ITGBL1: variants seen among roughly 807,000 people sequenced by gnomAD.
ITGBL1 encodes the protein integrin beta-like protein 1.
In ITGBL1, 51 loss-of-function variants were observed where a neutral mutation model predicts 68.5. The ratio of observed to expected loss-of-function variants is 0.74; its 90% CI spans 0.59 to 0.94. The LOEUF (loss-of-function observed/expected upper bound fraction) is 0.94. ITGBL1 is among the 40% of genes least tolerant of loss of function. ITGBL1 has a pLI of 0.00. For missense variants in ITGBL1, 649 were observed against 647.4 expected, an observed-to-expected ratio of 1.00 and a Z score of -0.03; for synonymous variants, 209 against 227.3, an observed-to-expected ratio of 0.92 and a Z score of 0.72.
At chr13:101,652,887 C>T (rs1316814896) in intron 7 of ITGBL1, among the ~76,000 whole-genome samples, 6 of 151,964 alleles carry the variant, frequency 3.9e-5, no homozygotes, top group Admixed American at 6.6e-5. Flanking sequence ...CACTGGAGGT[C>T]GAGAGTTTGA....
chr13:101,681,888 CAAG>C (rs1391078341), intron 7 of ITGBL1, among the ~76,000 whole-genome samples: 1 of 151,652 alleles, frequency 6.6e-6, no homozygotes, highest in Non-Finnish European at 1.5e-5. Context: ...AGTAGAGGAT[CAAG>C]AAGAGGCAGA....
At chr13:101,557,978 A>G (rs1452581738) in intron 2 of ITGBL1, among the ~76,000 whole-genome samples, 1 of 148,894 alleles carries the variant, frequency 6.7e-6, no homozygotes, top group Non-Finnish European at 1.5e-5. Flanking sequence ...AATCCCAGCT[A>G]CTTGTGAGAC....
intron 7 of ITGBL1, among the ~76,000 whole-genome samples, chr13:101,607,338 T>G (rs1190138212): frequency 6.6e-6 from 1 of 152,074 alleles, no homozygotes; most frequent in African/African-American, 2.4e-5. Context: ...GTTGTTGTTT[T>G]GGATAACTTA....
intron 5 of ITGBL1, 140 bp downstream of exon 5, chr13:101,579,567 C>G: frequency 1.2e-6 from 1 of 853,340 alleles, no homozygotes; most frequent in Non-Finnish European, 1.8e-6. Flanking sequence ...TCAACATTTA[C>G]TATCCCAACA....
chr13:101,707,150 T>C (rs549302113), intron 9 of ITGBL1, among the ~76,000 whole-genome samples: 1 of 152,234 alleles, frequency 6.6e-6, no homozygotes, highest in African/African-American at 2.4e-5. Flanking sequence ...TGAAATAGAA[T>C]TAATACTTTT....
chr13:101,671,595 C>T (rs9518482), intron 7 of ITGBL1, among the ~76,000 whole-genome samples: 28,568 of 149,872 alleles, frequency 0.19, 3,211 homozygotes, highest in Non-Finnish European at 0.26. Flanking sequence ...CCCGCCACCA[C>T]GCCCGGCTAA....
chr13:101,636,462 T>C (rs1203977855), intron 7 of ITGBL1, among the ~76,000 whole-genome samples: 1 of 152,162 alleles, frequency 6.6e-6, no homozygotes, highest in African/African-American at 2.4e-5. Context: ...TGGATCAATA[T>C]AAAATCTCCA....
intron 2 of ITGBL1, among the ~76,000 whole-genome samples, chr13:101,468,647 T>C (rs984406261): frequency 1.3e-5 from 2 of 152,234 alleles, no homozygotes; most frequent in Non-Finnish European, 2.9e-5. Context: ...TTTATTTACA[T>C]TTAAAAATAT....
chr13:101,633,014 C>A (rs1212817965), intron 7 of ITGBL1, among the ~76,000 whole-genome samples: 1 of 152,200 alleles, frequency 6.6e-6, no homozygotes, highest in African/African-American at 2.4e-5. Context: ...TCATTTCTCC[C>A]AAGTTCCCAG....
chr13:101,720,663 T>G (rs2034915168), downstream of ITGBL1: 5 of 152,036 alleles, frequency 3.3e-5, no homozygotes, highest in South Asian at 6.2e-4. Flanking sequence ...CTCATATAGT[T>G]GGCCACATAT....
intron 7 of ITGBL1, among the ~76,000 whole-genome samples, chr13:101,620,596 C>A (rs1016143898): frequency 3.3e-5 from 5 of 152,068 alleles, no homozygotes; most frequent in Non-Finnish European, 7.4e-5. Context: ...TGATGGTACC[C>A]CACTAATAGC....
At chr13:101,622,185 A>T (rs752074902) in intron 7 of ITGBL1, among the ~76,000 whole-genome samples, 6 of 152,182 alleles carry the variant, frequency 3.9e-5, no homozygotes, top group Non-Finnish European at 8.8e-5. Context: ...GATTTAATGA[A>T]TAATAGTAGT....
intron 7 of ITGBL1, among the ~76,000 whole-genome samples, chr13:101,612,364 T>C (rs919233674): frequency 6.6e-6 from 1 of 152,160 alleles, no homozygotes; most frequent in African/African-American, 2.4e-5. Flanking sequence ...GAGCCCTGTA[T>C]TGTATAATAG....
intron 2 of ITGBL1, among the ~76,000 whole-genome samples, chr13:101,480,670 G>C (rs2139037413): frequency 6.6e-6 from 1 of 151,986 alleles, no homozygotes; most frequent in East Asian, 1.9e-4. Flanking sequence ...CCCATAAAAA[G>C]TAAGAATAAA....
rs2033325743 is a variant in ITGBL1, at chr13:101,670,301, G to A, written c.1016-22284G>A. ...GAGAATTCTGGTATCTTTTCATTGG[G>A]TTCAACTTCCAGGTTATTTAAATGG... is the stretch of plus-strand genomic sequence containing the variant. On this transcript the variant is annotated intron_variant, in intron 7 of 10. Coordinates refer to ENST00000376180, the MANE Select transcript of ITGBL1 (RefSeq NM_004791.3). 2.0e-5 allele frequency among the ~76,000 whole-genome samples: 3 copies of A among 152,142 alleles called. No homozygotes were observed. The South Asian group carries it at 6.2e-4, about 32-fold the overall frequency.
chr13:101,710,663 A>G (rs530523385), intron 9 of ITGBL1: 1 of 152,248 alleles, frequency 6.6e-6, no homozygotes, highest in South Asian at 2.1e-4. Context: ...AAGATGTTCA[A>G]GTTCTTTCTT....
chr13:101,558,823 A>G (rs2050053699), intron 2 of ITGBL1, among the ~76,000 whole-genome samples: 1 of 152,190 alleles, frequency 6.6e-6, no homozygotes, highest in Non-Finnish European at 1.5e-5. Flanking sequence ...GCTGAAGGCC[A>G]CAGAGCTAGC....
intron 2 of ITGBL1, among the ~76,000 whole-genome samples, chr13:101,557,505 T>C (rs575352354): frequency 6.6e-6 from 1 of 152,374 alleles, no homozygotes; most frequent in Admixed American, 6.5e-5. Context: ...TAAAGAATTC[T>C]TTCACAATCT....
rs562176226 is a variant in ITGBL1, at chr13:101,655,342, T to C, written c.1016-37243T>C. On this transcript the variant is annotated intron_variant, in intron 7 of 10. Transcript: ENST00000376180. Reference sequence around the variant, plus strand: ...TATTGCAAAAAGCAGTTGCCAGACATGCACATTTAAATGTACTGAAACGCA... The same window carrying C: ...TATTGCAAAAAGCAGTTGCCAGACACGCACATTTAAATGTACTGAAACGCA... Among the ~76,000 whole-genome samples the C allele has an allele frequency of 5.3e-4, 81 of 152,322 alleles. 2 individuals are homozygous for C. In the South Asian group the frequency reaches 0.015, roughly 29 times the overall value.
Sources: allele counts gnomAD v4.1 joint callset (sites outside exome capture counted in the v4.1 genomes callset), GRCh38; gene constraint gnomAD v4.1.1; transcripts MANE v1.5; gene names NCBI Gene and HGNC (gene_info 2026-07-23, HGNC 2026-07-21).